Variants in TNKS observed in about 807,000 individuals in gnomAD.
TNKS encodes the protein poly [ADP-ribose] polymerase tankyrase-1.
TNKS carries 72 observed loss-of-function variants against 135.8 expected under a neutral mutation model. That is an observed-to-expected ratio of 0.53 (90% CI 0.44 to 0.64). TNKS has a LOEUF of 0.64. Ranked by LOEUF, TNKS falls within the 30% of genes least tolerant of loss-of-function variation. The pLI is 0.00. For synonymous variants in TNKS, 849 were observed against 649.3 expected, an observed-to-expected ratio of 1.31 and a Z score of -4.68; for missense variants, 1,769 against 1,674.0, an observed-to-expected ratio of 1.06 and a Z score of -0.99.
chr8:9,757,986 C>T (rs73533235), intron 20 of TNKS, among the ~76,000 whole-genome samples: 162 of 152,250 alleles, frequency 1.1e-3, no homozygotes, highest in African/African-American at 3.6e-3. Flanking sequence ...CTAAATTTAA[C>T]GCTTAATCAT....
chr8:9,740,826 G>GTTGT (rs1554482056), intron 17 of TNKS: 11 of 103,580 alleles, frequency 1.1e-4, no homozygotes, highest in South Asian at 3.2e-4. Flanking sequence ...AATTCTTGTT[G>GTTGT]TTTTTTTTTT....
At chr8:9,603,169 C>A (rs1008544615) in intron 2 of TNKS, among the ~76,000 whole-genome samples, 1 of 152,132 alleles carries the variant, frequency 6.6e-6, no homozygotes, top group Non-Finnish European at 1.5e-5. Flanking sequence ...TCTCCTGCCT[C>A]AGGCTCCCAA....
chr8:9,627,861 C>G (rs1008163396), intron 3 of TNKS, among the ~76,000 whole-genome samples: 3 of 152,120 alleles, frequency 2.0e-5, no homozygotes, highest in African/African-American at 7.2e-5. Context: ...ATTTTTTCCT[C>G]TCAGCTTATT....
intron 17 of TNKS, among the ~76,000 whole-genome samples, chr8:9,746,674 C>T (rs1007348688): frequency 2.0e-5 from 3 of 152,132 alleles, no homozygotes; most frequent in African/African-American, 7.2e-5. Flanking sequence ...CTGGAGCCCC[C>T]AGCCCCAGTC....
rs564942460 is a variant in TNKS at position 9,556,296 on chromosome 8, C to T, written c.357C>T (p.Asn119=). 1 of 1,614,238 alleles carries T rather than the reference C, an allele frequency of 6.2e-7. No individual in the cohort carries two copies. The highest frequency in any genetic ancestry group is 1.3e-5 in the African/African-American group (1 of 75,058). Reference sequence around the variant, plus strand: ...CATCTGCCGCTGGGGTCGCTCCCAACCCAGCCGGCAGTGGCAGTAACAATT... The same window carrying T: ...CATCTGCCGCTGGGGTCGCTCCCAATCCAGCCGGCAGTGGCAGTAACAATT... ...STSSAAGVAP[N]PAGSGSNNSP... is the part of the protein sequence containing the mutation. Residue 119 remains asparagine (N), a synonymous_variant, in exon 1 of 27, where the codon AAC becomes AAT. Transcript: ENST00000310430.
chr8:9,782,034 A>G lies in TNKS; in HGVS notation c.*5298A>G, dbSNP rs145044629. 6.6e-6 allele frequency: 1 copy of G among 152,362 alleles called. No individual in the cohort carries two copies. The highest frequency in any genetic ancestry group is 1.5e-5 in the Non-Finnish European group (1 of 68,022). 9.4% of individuals were successfully genotyped at this position (152,362 alleles called of 1,614,324 possible). On this transcript the variant is annotated 3_prime_UTR_variant, in exon 27 of 27. Transcript: ENST00000310430. ...ATTATTTGTCTGAAATTCAAATTTA[A>G]CTGAGCATGCTGGTTTTTCTCATTG...
At chr8:9,725,470 A>G (rs1279456556) in intron 12 of TNKS, among the ~76,000 whole-genome samples, 1 of 152,218 alleles carries the variant, frequency 6.6e-6, no homozygotes, top group Non-Finnish European at 1.5e-5. Context: ...AAGAATTGTC[A>G]TAACTTATTC....
At chr8:9,695,677 G>A (rs1164752047) in intron 5 of TNKS, among the ~76,000 whole-genome samples, 2 of 152,176 alleles carry the variant, frequency 1.3e-5, no homozygotes, top group African/African-American at 4.8e-5. Flanking sequence ...AGGAGACCTA[G>A]TAGAAGGCTG....
intron 21 of TNKS, among the ~76,000 whole-genome samples, chr8:9,762,853 C>T (rs898156500): frequency 6.7e-6 from 1 of 150,014 alleles, no homozygotes; most frequent in Non-Finnish European, 1.5e-5. Flanking sequence ...TGCAGTAAGC[C>T]GAGATCACGT....
At chr8:9,617,474 GA>G (rs1189041960) in intron 3 of TNKS, among the ~76,000 whole-genome samples, 1 of 152,172 alleles carries the variant, frequency 6.6e-6, no homozygotes, top group East Asian at 1.9e-4. Flanking sequence ...TTTCAGATGT[GA>G]TTTAAAAGGA....
chr8:9,684,169 C>G (rs1802895045), intron 5 of TNKS, among the ~76,000 whole-genome samples: 1 of 152,054 alleles, frequency 6.6e-6, no homozygotes, highest in African/African-American at 2.4e-5. Context: ...GAACCAGAAC[C>G]TGAAAATAGG....
chr8:9,617,887 G>T (rs527251946), intron 3 of TNKS, among the ~76,000 whole-genome samples: 1 of 150,672 alleles, frequency 6.6e-6, no homozygotes, highest in Non-Finnish European at 1.5e-5. Context: ...GTATCTCATC[G>T]TTTTATGTTA....
Position 9,710,217 on chromosome 8 carries a change from C to G in TNKS, c.1746C>G (p.Ala582=). 1 of 1,614,170 alleles carries G rather than the reference C, an allele frequency of 6.2e-7. No homozygotes were observed. The highest frequency in any genetic ancestry group is 8.5e-7 in the Non-Finnish European group (1 of 1,180,008). The part of the protein sequence containing the change: ...DVMEVLHKHG[A]KMNALDTLGQ... ...TGGAAGTTCTGCATAAGCATGGCGC[C>G]AAGGTGAGGCACACACCTGAGCAGA... Residue 582 remains alanine, a synonymous_variant, in exon 11 of 27, where the codon GCC becomes GCG. Coordinates refer to ENST00000310430, the MANE Select transcript of TNKS (RefSeq NM_003747.3).
chr8:9,759,946 C>G (rs1807053569), intron 20 of TNKS, among the ~76,000 whole-genome samples: 1 of 151,698 alleles, frequency 6.6e-6, no homozygotes, highest in Admixed American at 6.6e-5. Flanking sequence ...CCACTGCACT[C>G]CAGCCGGGGC....
chr8:9,761,637 G>C lies in TNKS; in HGVS notation c.3274+1G>C, dbSNP rs1361227726. ...GAAAGACTCTTAGGTGGACAACAAGGTAAGCTATTCAGAAAAAAAAAAAAA... is the reference window on the plus strand; with the variant it reads ...GAAAGACTCTTAGGTGGACAACAAGCTAAGCTATTCAGAAAAAAAAAAAAA... On this transcript the variant is annotated splice_donor_variant, in intron 21 of 26. Coordinates refer to ENST00000310430, the MANE Select transcript of TNKS (RefSeq NM_003747.3). LOFTEE classifies it high-confidence loss of function. 6.3e-7 allele frequency: 1 copy of C among 1,583,592 alleles called. No homozygotes were observed. The highest frequency in any genetic ancestry group is 8.5e-7 in the Non-Finnish European group (1 of 1,171,906).
intron 25 of TNKS, among the ~76,000 whole-genome samples, chr8:9,769,412 G>C (rs1368714446): frequency 6.6e-6 from 1 of 152,126 alleles, no homozygotes; most frequent in Non-Finnish European, 1.5e-5. Flanking sequence ...TTTCGTTCAT[G>C]ATCCACTTTT....
intron 3 of TNKS, among the ~76,000 whole-genome samples, chr8:9,637,456 C>G (rs1275171504): frequency 6.6e-6 from 1 of 151,998 alleles, no homozygotes; most frequent in Non-Finnish European, 1.5e-5. Flanking sequence ...TCTTTTTTCT[C>G]TATTGGTGTT....
intron 3 of TNKS, among the ~76,000 whole-genome samples, chr8:9,653,182 C>T (rs1409031082): frequency 3.3e-5 from 5 of 152,158 alleles, no homozygotes; most frequent in Admixed American, 3.3e-4. Flanking sequence ...ACACAAAGCA[C>T]ATTTTAAACA....
chr8:9,777,011 G>C lies in TNKS; in HGVS notation c.*275G>C. On this transcript the variant is annotated 3_prime_UTR_variant, in exon 27 of 27. Transcript: ENST00000310430. ...AATTATCCATTTCTAAAACAAGATT[G>C]CTTCGATCTAGACTTGGAAATGGAA... The C allele has an allele frequency of 2.5e-6, 1 of 402,858 alleles. No homozygotes were observed. The highest frequency in any genetic ancestry group is 4.1e-5 in the South Asian group (1 of 24,438). The allele number at this position is 402,858 out of a possible 1,614,324, so 25.0% of individuals were successfully genotyped here.
Sources: allele counts gnomAD v4.1 joint callset (sites outside exome capture counted in the v4.1 genomes callset), GRCh38; gene constraint gnomAD v4.1.1; transcripts MANE v1.5; gene names NCBI Gene and HGNC (gene_info 2026-07-23, HGNC 2026-07-21).